TEX14: variants seen among roughly 807,000 people sequenced by gnomAD.
The protein encoded by TEX14 is testis expressed 14, intercellular bridge forming factor.
In TEX14, 168 loss-of-function variants were observed where a neutral mutation model predicts 178.6. The observed-to-expected ratio is 0.94, with a 90% CI of 0.83 to 1.07. The LOEUF (loss-of-function observed/expected upper bound fraction) is 1.07. TEX14 is among the 50% of genes least tolerant of loss of function. The probability of loss-of-function intolerance (pLI) is 0.00; values close to 1 mark genes in which losing one functional copy is unlikely to be tolerated. For missense variants in TEX14, 1,730 were observed against 1,753.6 expected, an observed-to-expected ratio of 0.99 and a Z score of 0.24; for synonymous variants, 626 against 634.1, an observed-to-expected ratio of 0.99 and a Z score of 0.19.
chr17:58,606,565 T>TTA, intron 10 of TEX14, among the ~76,000 whole-genome samples: 1 of 152,146 alleles, frequency 6.6e-6, no homozygotes, highest in East Asian at 1.9e-4. Context: ...AGTATTGACT[T>TTA]TAGTTATATT....
At chr17:58,637,290 C>T (rs1357263625) in intron 2 of TEX14, among the ~76,000 whole-genome samples, 2 of 152,182 alleles carry the variant, frequency 1.3e-5, no homozygotes, top group Non-Finnish European at 1.5e-5. Context: ...TGTTCCCTGA[C>T]GTAGAGCTTC....
chr17:58,658,572 G>A (rs968450438), intron 1 of TEX14, among the ~76,000 whole-genome samples: 3 of 151,508 alleles, frequency 2.0e-5, no homozygotes, highest in Non-Finnish European at 2.9e-5. Context: ...TTGTATTTTA[G>A]TAGAGACAGG....
chr17:58,574,920 C>A (rs1348257109), intron 21 of TEX14, among the ~76,000 whole-genome samples: 2 of 152,018 alleles, frequency 1.3e-5, no homozygotes, highest in African/African-American at 4.8e-5. Flanking sequence ...AGCCATGAGG[C>A]CTCAGCACCT....
rs2044962409 is a variant in TEX14, at chr17:58,586,036, T to A, written c.2835A>T (p.Thr945=). The change falls in exon 18 of 32, where the codon ACA becomes ACT. Residue 945 remains threonine (T), a synonymous_variant. Transcript: ENST00000349033. ...TACTCTGAGGATGCCAAGGAGGTAC[T>A]GTGAGCTGTCCAGTAGCTGCTTTCT... The part of the protein sequence containing the change: ...MAKKAATGQL[T]VPPWHPQSSL... 6.2e-7 allele frequency: 1 copy of A among 1,614,030 alleles called. No individual in the cohort carries two copies. Among genetic ancestry groups the A allele is most frequent in the South Asian group, 1.1e-5 (1 of 91,086 alleles).
At chr17:58,576,646 T>G (rs2044684680) in intron 21 of TEX14, among the ~76,000 whole-genome samples, 1 of 152,232 alleles carries the variant, frequency 6.6e-6, no homozygotes, top group African/African-American at 2.4e-5. Context: ...ACAAAGATAT[T>G]TCTGGTTTAC....
At chr17:58,678,042 C>A (rs943446861) in intron 1 of TEX14, among the ~76,000 whole-genome samples, 1 of 152,052 alleles carries the variant, frequency 6.6e-6, no homozygotes, top group East Asian at 1.9e-4. Flanking sequence ...CCCAGCTATT[C>A]GGGAGGCTGA....
At position 58,605,225 on chromosome 17, in the gene TEX14, C is replaced by T. The variant is rs978015559; in HGVS notation, c.1185-96G>A. 23 of 1,407,412 alleles carry T rather than the reference C, an allele frequency of 1.6e-5. No individual in the cohort carries two copies. In the African/African-American group the frequency reaches 3.0e-4, roughly 18 times the overall value. 87.2% of individuals were successfully genotyped at this position (1,407,412 alleles called of 1,614,324 possible). On this transcript the variant is annotated intron_variant, in intron 10 of 31. Coordinates refer to ENST00000349033, the MANE Select transcript of TEX14 (RefSeq NM_031272.5). ...TTCTTTCATTCATTCAGAGTCTTGC[C>T]CTGTCACCCAGGCTGGAAAGCAGCA...
At chr17:58,644,989 CTTT>C (rs1162304177) in intron 2 of TEX14, among the ~76,000 whole-genome samples, 1 of 135,544 alleles carries the variant, frequency 7.4e-6, no homozygotes, top group Admixed American at 7.6e-5. Context: ...TTTTTCTTAA[CTTT>C]TTTTTTTTTT....
At chr17:58,644,563 C>T (rs2046650694) in intron 2 of TEX14, among the ~76,000 whole-genome samples, 1 of 150,280 alleles carries the variant, frequency 6.7e-6, no homozygotes. Context: ...TGGTCTTGAA[C>T]TCCTGACCTC....
In TEX14 at chr17:58,605,126, C is replaced by T. The variant is rs1313465195; in HGVS notation, c.1188G>A (p.Glu396=). ...LTNLEYMLES[E]DRGVQRDLTR... ...TCAGGTCCCTCTGTACACCTCTGTC[C>T]TCGCTACGGAAGGAAACTCACAAGT... The change falls in exon 11 of 32, where the codon GAG becomes GAA. Residue 396 remains glutamate, a synonymous_variant. Transcript: ENST00000349033. 2.5e-6 allele frequency: 4 copies of T among 1,613,786 alleles called. No individual in the cohort carries two copies. The highest frequency in any genetic ancestry group is 1.7e-5 in the Admixed American group (1 of 59,970).
chr17:58,597,325 G>A (rs754947675), intron 14 of TEX14, among the ~76,000 whole-genome samples: 17 of 152,084 alleles, frequency 1.1e-4, no homozygotes, highest in Non-Finnish European at 2.1e-4. Flanking sequence ...CTTGAACCTG[G>A]GAGGCAGAGT....
chr17:58,565,856 T>C (rs1280073948), intron 26 of TEX14, 32 bp from the exon 27 acceptor site: 1 of 1,558,366 alleles, frequency 6.4e-7, no homozygotes, highest in Non-Finnish European at 8.7e-7. Context: ...AGGAAACTTA[T>C]TTCCTCCCTT....
chr17:58,611,231 T>C lies in TEX14; in HGVS notation c.1114A>G (p.Ser372Gly), dbSNP rs2045737803. ...HFQGFIHRSLSSYAVHIISPG... is the reference protein window; with the variant it reads ...HFQGFIHRSLGSYAVHIISPG... ...GAGATGATATGGACAGCATAGGAGCTGAGGGAGCGGTGGATAAACCCCTGG... is the reference window on the plus strand; with the variant it reads ...GAGATGATATGGACAGCATAGGAGCCGAGGGAGCGGTGGATAAACCCCTGG... Residue 372 changes from serine to glycine, a missense_variant, in exon 10 of 32, where the codon AGC becomes GGC. Ser to Gly is a moderately conservative substitution (Grantham distance 56, BLOSUM62 0). Coordinates refer to ENST00000349033, the MANE Select transcript of TEX14 (RefSeq NM_031272.5). The C allele has an allele frequency of 6.2e-7, 1 of 1,613,764 alleles. No individual in the cohort carries two copies. The highest frequency in any genetic ancestry group is 8.5e-7 in the Non-Finnish European group (1 of 1,179,852).
intron 2 of TEX14, among the ~76,000 whole-genome samples, chr17:58,642,464 G>A (rs778784172): frequency 4.6e-5 from 7 of 151,950 alleles, no homozygotes; most frequent in Non-Finnish European, 1.0e-4. Flanking sequence ...GGGGCAATCT[G>A]GCCAGGTCTG....
chr17:58,617,647 C>A lies in TEX14; in HGVS notation c.555-28G>T, dbSNP rs302860. ...AGAAATATTTAAAACAGGAAAAAAA[C>A]CTCAGAATTAACCACTCATATCCAG... is the stretch of plus-strand genomic sequence containing the variant. On this transcript the variant is annotated intron_variant, in intron 5 of 31. Transcript: ENST00000349033. 0.32 allele frequency: 490,315 copies of A among 1,550,692 alleles called. 81,735 individuals carry two copies. Among genetic ancestry groups the A allele is most frequent in the Middle Eastern group, 0.43 (2,543 of 5,920 alleles).
rs182164656 is a variant in TEX14, at chr17:58,600,320, T to A, written c.1679-654A>T. On this transcript the variant is annotated intron_variant, in intron 13 of 31. Transcript: ENST00000349033. ...GGGTGGATCACTTGAGGTCAGGAGTTCGAGTGGTCTCAAACCAACATGGTG... is the reference window on the plus strand; with the variant it reads ...GGGTGGATCACTTGAGGTCAGGAGTACGAGTGGTCTCAAACCAACATGGTG... Among the ~76,000 whole-genome samples, 522 of 152,138 alleles carry A rather than the reference T, an allele frequency of 3.4e-3. 3 individuals are homozygous for A. The highest frequency in any genetic ancestry group is 5.7e-3 in the Non-Finnish European group (386 of 67,980).
In TEX14 at chr17:58,599,231, A is replaced by C; in HGVS notation, c.2114T>G (p.Leu705Arg). 1 of 1,613,996 alleles carries C rather than the reference A, an allele frequency of 6.2e-7. No individual in the cohort carries two copies. The highest frequency in any genetic ancestry group is 1.1e-5 in the South Asian group (1 of 91,076). The change falls in exon 14 of 32, where the codon CTT (leucine) becomes CGT (arginine). Residue 705 changes from leucine to arginine, a missense_variant. By Grantham distance (102) the Leu-to-Arg change is moderately radical. Transcript: ENST00000349033. ...WQNGSLSSLS[L>R]PESTREAKSN... ...CTTGGCTTCTCTGGTTGACTCAGGAAGGCTGAGTGAACTGAGTGAACCGTT... is the reference window on the plus strand; with the variant it reads ...CTTGGCTTCTCTGGTTGACTCAGGACGGCTGAGTGAACTGAGTGAACCGTT...
In TEX14 at chr17:58,607,019, A is replaced by G. The variant is rs577518975; in HGVS notation, c.1185-1890T>C. ...CAGACTGGGCTACTGTCTCAAAAAAAAAAAAAAAAAAAAAAAAGGAAGGAG... is the reference window on the plus strand; with the variant it reads ...CAGACTGGGCTACTGTCTCAAAAAAGAAAAAAAAAAAAAAAAAGGAAGGAG... On this transcript the variant is annotated intron_variant, in intron 10 of 31. Coordinates refer to ENST00000349033, the MANE Select transcript of TEX14 (RefSeq NM_031272.5). Among the ~76,000 whole-genome samples, 13 of 101,480 alleles carry G rather than the reference A, an allele frequency of 1.3e-4. No homozygotes were observed. The South Asian group carries it at 3.7e-3, about 29-fold the overall frequency. The allele number at this position is 101,480 out of a possible 152,430, so 66.6% of individuals were successfully genotyped here.
At chr17:58,631,678 CAACAGCA>C (rs1371301078) in intron 2 of TEX14, 8 of 151,384 alleles carry the variant, frequency 5.3e-5, no homozygotes, top group Non-Finnish European at 1.2e-4. Context: ...GAACGGTCAC[CAACAGCA>C]AACAGCAGTT....
Sources: allele counts gnomAD v4.1 joint callset (sites outside exome capture counted in the v4.1 genomes callset), GRCh38; gene constraint gnomAD v4.1.1; transcripts MANE v1.5; gene names NCBI Gene and HGNC (gene_info 2026-07-23, HGNC 2026-07-21).